The following MAGED1 variants were observed in gnomAD, a reference collection of about 807,000 sequenced individuals.
The protein encoded by MAGED1 is MAGE family member D1.
Under a neutral mutation model 54.1 loss-of-function variants are expected in MAGED1, and 3 were observed. The ratio of observed to expected loss-of-function variants is 0.06; its 90% CI spans 0.03 to 0.14. The LOEUF (loss-of-function observed/expected upper bound fraction) is 0.14, where lower values mean the gene tolerates loss of function less well. Among genes scored for constraint, MAGED1 ranks in the 10% least tolerant of loss-of-function variants. MAGED1 has a pLI of 1.00. For synonymous variants in MAGED1, 217 were observed against 227.3 expected, an observed-to-expected ratio of 0.95 and a Z score of 0.41; for missense variants, 485 against 623.4, an observed-to-expected ratio of 0.78 and a Z score of 2.36.
intron 1 of MAGED1, among the ~76,000 whole-genome samples, chrX:51,818,098 A>T (rs782469263): frequency 9.0e-6 from 1 of 111,713 alleles, no homozygotes; most frequent in African/African-American, 3.3e-5. Context: ...GCGCTTCACC[A>T]TAGAGGTTTT....
chrX:51,819,415 A>G (rs951278718), intron 1 of MAGED1, among the ~76,000 whole-genome samples: 8 of 109,867 alleles, frequency 7.3e-5, no homozygotes, highest in Non-Finnish European at 1.3e-4. Flanking sequence ...TTAGGTAAGT[A>G]TTAAACTTTC....
chrX:51,805,766 T>C (rs782398278), intron 1 of MAGED1, among the ~76,000 whole-genome samples: 1 of 108,941 alleles, frequency 9.2e-6, no homozygotes, highest in Admixed American at 1.0e-4. Flanking sequence ...TATTACTCAC[T>C]CTCTTTCTCC....
At chrX:51,815,096 T>C (rs1462757788) in intron 1 of MAGED1, among the ~76,000 whole-genome samples, 1 of 110,066 alleles carries the variant, frequency 9.1e-6, no homozygotes, top group Non-Finnish European at 1.9e-5. Flanking sequence ...TGACCCAAGA[T>C]TGTGCCACTG....
At chrX:51,848,639 T>C (rs1443738438) in intron 1 of MAGED1, among the ~76,000 whole-genome samples, 1 of 111,754 alleles carries the variant, frequency 8.9e-6, no homozygotes, top group Non-Finnish European at 1.9e-5. Flanking sequence ...ACAAACTATC[T>C]GATCATAATG....
At chrX:51,876,162 C>G (rs1223172451) in intron 1 of MAGED1, among the ~76,000 whole-genome samples, 18 of 110,613 alleles carry the variant, frequency 1.6e-4, no homozygotes, top group Admixed American at 1.5e-3. Context: ...AGCTTCAGAT[C>G]TTATTAACAT....
chrX:51,827,431 G>C (rs1557357036), intron 1 of MAGED1, among the ~76,000 whole-genome samples: 1 of 111,930 alleles, frequency 8.9e-6, no homozygotes, highest in Non-Finnish European at 1.9e-5. Context: ...TTAGGGCAGT[G>C]AATCTACTCT....
At chrX:51,890,838 A>G (rs1264279738), upstream of MAGED1, among the ~76,000 whole-genome samples, 1 of 110,425 alleles carries the variant, frequency 9.1e-6, no homozygotes, top group Non-Finnish European at 1.9e-5. Flanking sequence ...TTGGCAAAAA[A>G]AAAAAAAAAA....
Position 51,805,800 on chromosome X carries a change from C to T in MAGED1, c.-37+2683C>T, listed in dbSNP as rs782170613. Among the ~76,000 whole-genome samples, 9 of 108,659 alleles carry T rather than the reference C, an allele frequency of 8.3e-5. No homozygotes were observed. In the East Asian group the frequency reaches 1.4e-3, roughly 17 times the overall value. The allele number at this position is 108,659 out of a possible 115,157, so 94.4% of individuals were successfully genotyped here. A position where few individuals can be genotyped will look rare whatever the true frequency, so the allele number is the denominator to read the frequency against. ...CCATGCATCCATCCATCCATCCATC[C>T]GTCCATCCGTCCATCCATCCATTTA... is the stretch of plus-strand genomic sequence containing the variant. On this transcript the variant is annotated intron_variant, in intron 1 of 12. Transcript: ENST00000375772.
At chrX:51,812,186 A>C (rs1427900389) in intron 1 of MAGED1, among the ~76,000 whole-genome samples, 1 of 109,802 alleles carries the variant, frequency 9.1e-6, no homozygotes, top group Non-Finnish European at 1.9e-5. Context: ...AAAAATAAAT[A>C]AATAAATAAA....
intron 1 of MAGED1, among the ~76,000 whole-genome samples, chrX:51,865,123 C>T (rs1036840689): frequency 3.6e-5 from 4 of 112,078 alleles, no homozygotes; most frequent in Non-Finnish European, 5.6e-5. Flanking sequence ...TGGGTACATT[C>T]CTCTTATACC....
chrX:51,869,590 C>T (rs782472355), intron 1 of MAGED1, among the ~76,000 whole-genome samples: 58 of 110,519 alleles, frequency 5.2e-4, no homozygotes, highest in Middle Eastern at 4.7e-3. Flanking sequence ...GGGTATCCGC[C>T]GGGTGCGGTG....
chrX:51,823,875 T>C (rs1925733929), intron 1 of MAGED1, among the ~76,000 whole-genome samples: 1 of 111,454 alleles, frequency 9.0e-6, no homozygotes, highest in South Asian at 3.8e-4. Flanking sequence ...ATGAACTTAC[T>C]GTCCTAGAAT....
intron 1 of MAGED1, among the ~76,000 whole-genome samples, chrX:51,814,300 C>T (rs1241113417): frequency 1.1e-4 from 12 of 111,163 alleles, no homozygotes; most frequent in African/African-American, 4.0e-4. Flanking sequence ...CCGCCGCCGC[C>T]GCTGCCGCTG....
chrX:51,838,635 G>A (rs1926342626), intron 1 of MAGED1, among the ~76,000 whole-genome samples: 1 of 112,002 alleles, frequency 8.9e-6, no homozygotes, highest in Admixed American at 9.5e-5. Flanking sequence ...AAGGATTTAT[G>A]AACATAACTT....
intron 1 of MAGED1, among the ~76,000 whole-genome samples, chrX:51,886,607 A>G (rs1928239694): frequency 9.3e-6 from 1 of 107,875 alleles, no homozygotes; most frequent in Non-Finnish European, 1.9e-5. Context: ...TCCAGATGTC[A>G]TGATAGTATA....
At chrX:51,841,748 A>G (rs1456218715) in intron 1 of MAGED1, among the ~76,000 whole-genome samples, 1 of 111,273 alleles carries the variant, frequency 9.0e-6, no homozygotes, top group Non-Finnish European at 1.9e-5. Context: ...ATAGTTGTAG[A>G]TATGTGGCAT....
chrX:51,886,113 C>T (rs1928225534), intron 1 of MAGED1, among the ~76,000 whole-genome samples: 1 of 72,979 alleles, frequency 1.4e-5, no homozygotes, highest in African/African-American at 5.9e-5. Context: ...TGATGATTAC[C>T]AGAGGCTGAG....
At chrX:51,850,623 G>A (rs1383815951) in intron 1 of MAGED1, among the ~76,000 whole-genome samples, 1 of 111,609 alleles carries the variant, frequency 9.0e-6, no homozygotes, top group Non-Finnish European at 1.9e-5. Flanking sequence ...TGCTGGCTGG[G>A]CGCAGTGGCT....
intron 1 of MAGED1, among the ~76,000 whole-genome samples, chrX:51,866,800 G>T (rs1602247574): frequency 1.8e-5 from 2 of 111,575 alleles, no homozygotes. Flanking sequence ...GGGAAAGGAG[G>T]AATCTGGGGT....
Sources: gnomAD v4.1 joint callset for allele counts (sites outside exome capture counted in the v4.1 genomes callset) on GRCh38, gnomAD v4.1.1 for gene constraint, MANE v1.5 for transcripts, NCBI Gene and HGNC (gene_info 2026-07-23, HGNC 2026-07-21) for gene names.